The following CPXM2 variants were observed in gnomAD, a reference collection of about 807,000 sequenced individuals.
CPXM2 encodes the protein inactive carboxypeptidase-like protein X2.
Under a neutral mutation model 86.1 loss-of-function variants are expected in CPXM2, and 66 were observed. The observed-to-expected ratio is 0.77, with a 90% confidence interval of 0.63 to 0.94. The LOEUF (loss-of-function observed/expected upper bound fraction) is 0.94, where lower values mean the gene tolerates loss of function less well. Among genes scored for constraint, CPXM2 ranks in the 40% least tolerant of loss-of-function variants. CPXM2 has a pLI of 0.00. For synonymous variants in CPXM2, 388 were observed against 400.2 expected, an observed-to-expected ratio of 0.97 and a Z score of 0.36; for missense variants, 948 against 1,026.3, an observed-to-expected ratio of 0.92 and a Z score of 1.04.
At chr10:123,880,094 G>A in intron 2 of CPXM2, 117 bp downstream of exon 2, 1 of 642,482 alleles carries the variant, frequency 1.6e-6, no homozygotes, top group Non-Finnish European at 2.8e-6. Flanking sequence ...GCAGGCCCCA[G>A]GCAGCCCCAC....
chr10:123,801,292 G>T (rs570969780), intron 4 of CPXM2, among the ~76,000 whole-genome samples: 1 of 152,150 alleles, frequency 6.6e-6, no homozygotes, highest in Non-Finnish European at 1.5e-5. Flanking sequence ...CTTGCCTGCC[G>T]CCAGGTGAGA....
At chr10:123,850,344 TGTGGTTTCTCTTTCC>T in intron 3 of CPXM2, among the ~76,000 whole-genome samples, 1 of 152,248 alleles carries the variant, frequency 6.6e-6, no homozygotes, top group Non-Finnish European at 1.5e-5. Flanking sequence ...CCCCGTTATC[TGTGGTTTCTCTTTCC>T]ATGGTTTCAG....
chr10:123,795,860 A>C (rs1847326155), intron 6 of CPXM2, among the ~76,000 whole-genome samples: 1 of 152,144 alleles, frequency 6.6e-6, no homozygotes. Flanking sequence ...ATAACTTCAC[A>C]GGGAAGTATT....
intron 2 of CPXM2, among the ~76,000 whole-genome samples, chr10:123,877,327 TTATCTTCATTG>T (rs1945004875): frequency 6.6e-6 from 1 of 152,198 alleles, no homozygotes; most frequent in Non-Finnish European, 1.5e-5. Context: ...AGGTCATGCT[TTATCTTCATTG>T]TATTGGTCAG....
upstream of CPXM2, among the ~76,000 whole-genome samples, chr10:123,895,770 G>T (rs1407009601): frequency 6.6e-6 from 1 of 152,176 alleles, no homozygotes; most frequent in Non-Finnish European, 1.5e-5. Context: ...ACCAGTCGGG[G>T]GTAGTAATGG....
intron 1 of CPXM2, among the ~76,000 whole-genome samples, chr10:123,882,195 C>A (rs1365835795): frequency 6.6e-6 from 1 of 152,098 alleles, no homozygotes; most frequent in East Asian, 1.9e-4. Context: ...TTGGGTGGTA[C>A]CTGCTGGAAG....
chr10:123,809,652 G>A, intron 4 of CPXM2, among the ~76,000 whole-genome samples: 1 of 152,038 alleles, frequency 6.6e-6, no homozygotes, highest in African/African-American at 2.4e-5. Context: ...ATGCTATGAG[G>A]TAGGTATTAT....
intron 2 of CPXM2, among the ~76,000 whole-genome samples, chr10:123,877,318 G>T (rs1439883726): frequency 6.6e-6 from 1 of 152,190 alleles, no homozygotes; most frequent in Non-Finnish European, 1.5e-5. Context: ...GAAAAAACAA[G>T]GTCATGCTTT....
rs780970130 is a variant in CPXM2, at chr10:123,875,807, CT to C, written c.403+4403del. On this transcript the variant is annotated intron_variant, in intron 2 of 13. Coordinates refer to ENST00000241305, the MANE Select transcript of CPXM2 (RefSeq NM_198148.3). ...GAGATCATGTTTCTTTCTTTTCTTT[CT>C]TTTTTTTTTTTTTTTTTTTTTTTGG... Among the ~76,000 whole-genome samples the C allele has an allele frequency of 3.4e-3, 291 of 84,676 alleles. 3 individuals carry two copies. The highest frequency in any genetic ancestry group is 0.021 in the East Asian group (57 of 2,692). The allele number at this position is 84,676 out of a possible 152,430, so 55.6% of individuals were successfully genotyped here.
chr10:123,846,902 G>C (rs1348131908), intron 3 of CPXM2, among the ~76,000 whole-genome samples: 2 of 152,164 alleles, frequency 1.3e-5, no homozygotes, highest in Admixed American at 6.5e-5. Flanking sequence ...CAGACCTATT[G>C]CAGGGTGTGG....
chr10:123,840,601 T>C (rs1160837619), intron 4 of CPXM2, among the ~76,000 whole-genome samples: 4 of 152,234 alleles, frequency 2.6e-5, no homozygotes, highest in Non-Finnish European at 4.4e-5. Context: ...GTTACTGGTA[T>C]GTCTTTAAGT....
intron 6 of CPXM2, among the ~76,000 whole-genome samples, chr10:123,796,472 C>T (rs907793777): frequency 2.6e-5 from 4 of 151,974 alleles, no homozygotes; most frequent in East Asian, 1.9e-4. Context: ...CTTGCACAAT[C>T]GAATAAGTAC....
chr10:123,801,950 A>G (rs1257991034), intron 4 of CPXM2, among the ~76,000 whole-genome samples: 3 of 152,148 alleles, frequency 2.0e-5, no homozygotes, highest in Non-Finnish European at 4.4e-5. Context: ...GCTTTCTTTC[A>G]TAGTTTAATT....
rs200200937 is a variant in CPXM2, at chr10:123,878,931, CTA to C, written c.403+1278_403+1279del. Among the ~76,000 whole-genome samples, 1,252 of 152,222 alleles carry C rather than the reference CTA, an allele frequency of 8.2e-3. 16 individuals are homozygous for C. The highest frequency in any genetic ancestry group is 0.028 in the African/African-American group (1,182 of 41,520). On this transcript the variant is annotated intron_variant, in intron 2 of 13. Coordinates refer to ENST00000241305, the MANE Select transcript of CPXM2 (RefSeq NM_198148.3). ...GGTGAGGAGTCCTATTACCCCCCAT[CTA>C]GAGACGACCCCAAAGCACCACACTG...
At position 123,746,615 on chromosome 10, in the gene CPXM2, C is replaced by G; in HGVS notation, c.*149G>C. 1 of 732,172 alleles carries G rather than the reference C, an allele frequency of 1.4e-6. No individual in the cohort carries two copies. The highest frequency in any genetic ancestry group is 2.2e-6 in the Non-Finnish European group (1 of 446,220). 45.4% of individuals were successfully genotyped at this position (732,172 alleles called of 1,614,324 possible). A position where few individuals can be genotyped will look rare whatever the true frequency, so the allele number is the denominator to read the frequency against. Reference sequence around the variant, plus strand: ...AAAACAGCCTCAGCCTCCAGCCTTCCCTTTTGGGACCTGCCTCACAATGCA... The same window carrying G: ...AAAACAGCCTCAGCCTCCAGCCTTCGCTTTTGGGACCTGCCTCACAATGCA... On this transcript the variant is annotated 3_prime_UTR_variant, in exon 14 of 14. Coordinates refer to ENST00000241305, the MANE Select transcript of CPXM2 (RefSeq NM_198148.3).
intron 2 of CPXM2, among the ~76,000 whole-genome samples, chr10:123,902,512 G>A (rs1301290820): frequency 1.3e-5 from 2 of 152,206 alleles, no homozygotes; most frequent in African/African-American, 4.8e-5. Flanking sequence ...ATAAACAACA[G>A]TAATTCATTT....
intron 4 of CPXM2, among the ~76,000 whole-genome samples, chr10:123,824,108 C>CA (rs1234050226): frequency 4.6e-5 from 7 of 152,102 alleles, no homozygotes; most frequent in Admixed American, 2.0e-4. Context: ...GACTAAAAAG[C>CA]AAAATTTCTT....
rs753122950 is a variant in CPXM2 at position 123,768,574 on chromosome 10, G to A, written c.1251C>T (p.His417=). The part of the protein sequence containing the change: ...IVHLVEETRI[H]VLPSLNPDGY... ...CATCGGGGTTGAGGGAGGGGAGGAC[G>A]TGAATCCGCGTCTCCTCCACCAGGT... is the stretch of plus-strand genomic sequence containing the variant. The change falls in exon 9 of 14, where the codon CAC becomes CAT. Residue 417 remains histidine (H), a synonymous_variant. Coordinates refer to ENST00000241305, the MANE Select transcript of CPXM2 (RefSeq NM_198148.3). The A allele has an allele frequency of 4.3e-6, 7 of 1,613,810 alleles. No homozygotes were observed. The highest frequency in any genetic ancestry group is 3.3e-5 in the South Asian group (3 of 91,038).
intron 6 of CPXM2, among the ~76,000 whole-genome samples, chr10:123,793,519 G>C (rs1442773681): frequency 6.8e-6 from 1 of 148,018 alleles, no homozygotes; most frequent in African/African-American, 2.5e-5. Context: ...TCTGAGCTGA[G>C]CCAAAGCTCA....
Sources: gnomAD v4.1 joint callset for allele counts (sites outside exome capture counted in the v4.1 genomes callset) on GRCh38, gnomAD v4.1.1 for gene constraint, MANE v1.5 for transcripts, NCBI Gene and HGNC (gene_info 2026-07-23, HGNC 2026-07-21) for gene names.